Variants in ZBTB8OS observed in about 807,000 individuals in gnomAD.
ZBTB8OS encodes tRNA-splicing ligase-activating factor archease.
Under a neutral mutation model 29.3 loss-of-function variants are expected in ZBTB8OS, and 16 were observed. The observed-to-expected ratio is 0.55, with a 90% confidence interval of 0.37 to 0.83. The LOEUF (loss-of-function observed/expected upper bound fraction) is 0.83. Among genes scored for constraint, ZBTB8OS ranks in the 40% least tolerant of loss-of-function variants. The probability of loss-of-function intolerance (pLI) is 0.00; values close to 1 mark genes in which losing one functional copy is unlikely to be tolerated. For synonymous variants in ZBTB8OS, 70 were observed against 64.6 expected (o/e 1.08, Z -0.40); for missense variants, 160 against 196.9 (o/e 0.81, Z 1.12).
At chr1:32,642,388 C>T (rs1380505689) in intron 1 of ZBTB8OS, among the ~76,000 whole-genome samples, 1 of 151,682 alleles carries the variant, frequency 6.6e-6, no homozygotes, top group African/African-American at 2.4e-5. Context: ...CCTGTAATCC[C>T]AGCTACTCGG....
chr1:32,634,806 G>T lies in ZBTB8OS; in HGVS notation c.98-14C>A. ...TATGATCCAAATCTGAGGGACAGAG[G>T]GAAAAACACTTATAAGACACTAAAC... On this transcript the variant is annotated splice_polypyrimidine_tract_variant and intron_variant, in intron 1 of 6. Transcript: ENST00000468695. 1 of 1,572,496 alleles carries T rather than the reference G, an allele frequency of 6.4e-7. No individual in the cohort carries two copies. The highest frequency in any genetic ancestry group is 8.8e-7 in the Non-Finnish European group (1 of 1,142,418).
intron 5 of ZBTB8OS, among the ~76,000 whole-genome samples, chr1:32,628,468 C>T (rs752853635): frequency 6.6e-6 from 1 of 150,964 alleles, no homozygotes; most frequent in Non-Finnish European, 1.5e-5. Context: ...GAAACTCTGT[C>T]TCTACTAAAA....
At chr1:32,643,853 TAGGTTGCAC>T (rs1646627868) in intron 1 of ZBTB8OS, among the ~76,000 whole-genome samples, 1 of 151,658 alleles carries the variant, frequency 6.6e-6, no homozygotes, top group Non-Finnish European at 1.5e-5. Context: ...GGGGTCTCAC[TAGGTTGCAC>T]AGGTTGCTCA....
Position 32,633,898 on chromosome 1 carries a change from C to A in ZBTB8OS, c.244+53G>T, listed in dbSNP as rs1645754930. ...TACTCAGATTATGTAGAATACTGCA[C>A]AATTCTATACAGTACTGTATAACAA... On this transcript the variant is annotated intron_variant, in intron 3 of 6. Transcript: ENST00000468695. 5 of 1,517,010 alleles carry A rather than the reference C, an allele frequency of 3.3e-6. No individual in the cohort carries two copies. In the Middle Eastern group the frequency reaches 7.3e-4, roughly 222 times the overall value. 94.0% of individuals were successfully genotyped at this position (1,517,010 alleles called of 1,614,324 possible). A position where few individuals can be genotyped will look rare whatever the true frequency, so the allele number is the denominator to read the frequency against.
At chr1:32,626,303 G>A (rs1473247395) in intron 6 of ZBTB8OS, among the ~76,000 whole-genome samples, 1 of 152,118 alleles carries the variant, frequency 6.6e-6, no homozygotes, top group Non-Finnish European at 1.5e-5. Context: ...TAGCCTAGGA[G>A]CAATAGGCTA....
intron 1 of ZBTB8OS, among the ~76,000 whole-genome samples, chr1:32,648,201 T>C (rs1299365428): frequency 6.6e-6 from 1 of 152,080 alleles, no homozygotes; most frequent in Admixed American, 6.6e-5. Context: ...GATAAAAAAG[T>C]ATGGTAACAA....
chr1:32,631,620 T>C (rs1645565076), intron 5 of ZBTB8OS, among the ~76,000 whole-genome samples: 1 of 152,286 alleles, frequency 6.6e-6, no homozygotes, highest in East Asian at 1.9e-4. Flanking sequence ...ATTCTCTCCC[T>C]AAAAAATCAA....
At chr1:32,640,830 A>C (rs2148426991) in intron 1 of ZBTB8OS, among the ~76,000 whole-genome samples, 1 of 152,094 alleles carries the variant, frequency 6.6e-6, no homozygotes, top group East Asian at 1.9e-4. Flanking sequence ...TTTTACCATT[A>C]TCAACAAATA....
rs145261649 is a variant in ZBTB8OS, at chr1:32,650,502, C to T, written c.28G>A (p.Asp10Asn). ...TTCTGTTCTTCAGTCAAATTGTAAT[C>T]TCTAACATCTTCCTCTTCCTGCGCC... Reference protein sequence around the residue: MAQEEEDVRDYNLTEEQKAI... With the variant: MAQEEEDVRNYNLTEEQKAI... The change falls in exon 1 of 7, where the codon GAT becomes AAT. Residue 10 changes from aspartate to asparagine, a missense_variant. Transcript: ENST00000468695. 1 of 1,614,174 alleles carries T rather than the reference C, an allele frequency of 6.2e-7. No individual in the cohort carries two copies. Among genetic ancestry groups the T allele is most frequent in the Non-Finnish European group, 8.5e-7 (1 of 1,180,030 alleles).
intron 6 of ZBTB8OS, 35 bp from the exon 7 acceptor site, chr1:32,621,983 GGA>G: frequency 9.9e-7 from 1 of 1,013,456 alleles, no homozygotes; most frequent in Non-Finnish European, 1.4e-6. Context: ...AAAAAAAAAA[GGA>G]AAATAGGATA....
At chr1:32,643,694 A>G (rs969321068) in intron 1 of ZBTB8OS, among the ~76,000 whole-genome samples, 1 of 151,120 alleles carries the variant, frequency 6.6e-6, no homozygotes, top group African/African-American at 2.4e-5. Context: ...AGGGGGTTTC[A>G]CTATGTTGGC....
intron 1 of ZBTB8OS, among the ~76,000 whole-genome samples, chr1:32,635,556 G>A (rs772216068): frequency 6.6e-5 from 10 of 152,108 alleles, no homozygotes; most frequent in Non-Finnish European, 1.0e-4. Context: ...ACAGACAGGC[G>A]TGAGCCACTG....
intron 1 of ZBTB8OS, among the ~76,000 whole-genome samples, chr1:32,642,002 C>A (rs973835028): frequency 3.4e-4 from 51 of 152,208 alleles, no homozygotes; most frequent in African/African-American, 1.1e-3. Flanking sequence ...CAACTAAACT[C>A]TGATTTTTTT....
intron 6 of ZBTB8OS, among the ~76,000 whole-genome samples, chr1:32,625,075 T>C (rs1485399117): frequency 6.8e-6 from 1 of 146,372 alleles, no homozygotes; most frequent in African/African-American, 2.6e-5. Flanking sequence ...ATACAAAAAT[T>C]AGCCTGGCAT....
chr1:32,622,082 T>A (rs1311949607), intron 6 of ZBTB8OS, 134 bp from the exon 7 acceptor site: 6 of 618,872 alleles, frequency 9.7e-6, no homozygotes, highest in Non-Finnish European at 1.6e-5. Flanking sequence ...CATGAAACAA[T>A]TAGTTATCAA....
At chr1:32,639,792 A>T (rs963174249) in intron 1 of ZBTB8OS, among the ~76,000 whole-genome samples, 1 of 152,138 alleles carries the variant, frequency 6.6e-6, no homozygotes, top group Non-Finnish European at 1.5e-5. Context: ...ATTAAAAAAA[A>T]TTTAGTGAAG....
At chr1:32,630,049 C>T (rs1645427530) in intron 5 of ZBTB8OS, among the ~76,000 whole-genome samples, 1 of 152,040 alleles carries the variant, frequency 6.6e-6, no homozygotes, top group African/African-American at 2.4e-5. Flanking sequence ...CTGCACCCAG[C>T]AAGCCTGTTT....
At position 32,633,742 on chromosome 1, in the gene ZBTB8OS, ATAGTATATT is replaced by A; in HGVS notation, c.245-24_245-16del. The A allele has an allele frequency of 2.5e-6, 4 of 1,569,328 alleles. No individual in the cohort carries two copies. The highest frequency in any genetic ancestry group is 3.5e-6 in the Non-Finnish European group (4 of 1,158,306). ...TAAGTCATCTCCTACACAAGATCAA[ATAGTATATT>A]TAATAATTCTGGTCTCTAAAAACAT... On this transcript the variant is annotated splice_polypyrimidine_tract_variant and intron_variant, in intron 3 of 6. Transcript: ENST00000468695.
intron 6 of ZBTB8OS, among the ~76,000 whole-genome samples, chr1:32,622,425 A>G (rs953939957): frequency 1.3e-5 from 2 of 152,220 alleles, no homozygotes; most frequent in Non-Finnish European, 2.9e-5. Context: ...CTTTGCAACA[A>G]CGTGGATGGA....
Sources: gnomAD v4.1 joint callset for allele counts (sites outside exome capture counted in the v4.1 genomes callset) on GRCh38, gnomAD v4.1.1 for gene constraint, MANE v1.5 for transcripts, NCBI Gene and HGNC (gene_info 2026-07-23, HGNC 2026-07-21) for gene names.